Variants in TIGD4 observed in about 807,000 individuals in gnomAD.
TIGD4 encodes the protein tigger transposable element-derived protein 4.
TIGD4 carries 20 observed loss-of-function variants against 24.9 expected under a neutral mutation model. The ratio of observed to expected loss-of-function variants is 0.80; its 90% CI spans 0.56 to 1.17. The LOEUF (loss-of-function observed/expected upper bound fraction) is 1.17. TIGD4 is among the 50% of genes most tolerant of loss of function. The pLI is 0.00. For missense variants in TIGD4, 566 were observed against 591.0 expected (o/e 0.96, Z 0.44); for synonymous variants, 193 against 211.0 (o/e 0.91, Z 0.74).
Position 152,770,251 on chromosome 4 carries a change from A to G in TIGD4, c.754T>C (p.Tyr252His), listed in dbSNP as rs2149805336. ...FKGLKSLPVC[Y>H]EANRMAWMTS... ...ATCCATGCCATTCTGTTAGCTTCAT[A>G]ACACACAGGCAATGATTTTAAACCT... Residue 252 changes from tyrosine (Y) to histidine (H), a missense_variant, in exon 2 of 2, where the codon TAT (tyrosine) becomes CAT (histidine). Tyr to His is a moderately conservative substitution (Grantham distance 83, BLOSUM62 2). Transcript: ENST00000304337. The G allele has an allele frequency of 6.2e-7, 1 of 1,614,076 alleles. No individual in the cohort carries two copies. Among genetic ancestry groups the G allele is most frequent in the East Asian group, 2.2e-5 (1 of 44,880 alleles).
At chr4:152,772,332 C>A (rs1730191378) in intron 1 of TIGD4, among the ~76,000 whole-genome samples, 1 of 151,350 alleles carries the variant, frequency 6.6e-6, no homozygotes, top group Non-Finnish European at 1.5e-5. Context: ...CTCAGGTCTT[C>A]TACTTTCTAT....
Position 152,769,414 on chromosome 4 carries a change from A to G in TIGD4, c.*52T>C, listed in dbSNP as rs1578771462. The G allele has an allele frequency of 3.1e-6, 4 of 1,282,838 alleles. No homozygotes were observed. The East Asian group carries it at 7.2e-5, about 23-fold the overall frequency. The allele number at this position is 1,282,838 out of a possible 1,614,324, so 79.5% of individuals were successfully genotyped here. ...GGTACAACTCCTTTACATACCTTAT[A>G]TAATAAAATGTATCAGGAAAAGCTA... On this transcript the variant is annotated 3_prime_UTR_variant, in exon 2 of 2. Transcript: ENST00000304337.
chr4:152,770,963 T>C lies in TIGD4; in HGVS notation c.42A>G (p.Thr14=), dbSNP rs750308611. 1.9e-6 allele frequency: 3 copies of C among 1,612,012 alleles called. No homozygotes were observed. The highest frequency in any genetic ancestry group is 3.4e-5 in the Admixed American group (2 of 59,590). ...ASVDASTLPV[T]VKKKKSLSIE... is the part of the protein sequence containing the mutation. ...TGGATAGGCTTTTCTTTTTCTTCAC[T>C]GTTACAGGCAGAGTTGAGGCATCCA... Residue 14 remains threonine (T), a synonymous_variant, in exon 2 of 2, where the codon ACA becomes ACG. Coordinates refer to ENST00000304337, the MANE Select transcript of TIGD4 (RefSeq NM_145720.4).
intron 1 of TIGD4, among the ~76,000 whole-genome samples, chr4:152,778,615 G>T (rs938207946): frequency 3.2e-4 from 48 of 152,116 alleles, no homozygotes; most frequent in Admixed American, 2.6e-3. Flanking sequence ...TTATGTTTTG[G>T]AATTTCAGTA....
At position 152,769,387 on chromosome 4, in the gene TIGD4, G is replaced by A. The variant is rs1232206705; in HGVS notation, c.*79C>T. 2 of 999,130 alleles carry A rather than the reference G, an allele frequency of 2.0e-6. No homozygotes were observed. The highest frequency in any genetic ancestry group is 3.5e-4 in the Middle Eastern group (1 of 2,882). The allele number at this position is 999,130 out of a possible 1,614,324, so 61.9% of individuals were successfully genotyped here. The stretch of plus-strand genomic sequence containing the variant: ...TTTCCATTTTTTATGTTTAAGTGGT[G>A]TGGTACAACTCCTTTACATACCTTA... On this transcript the variant is annotated 3_prime_UTR_variant, in exon 2 of 2. Coordinates refer to ENST00000304337, the MANE Select transcript of TIGD4 (RefSeq NM_145720.4).
Position 152,770,918 on chromosome 4 carries a change from G to C in TIGD4, c.87C>G (p.Ile29Met). 1 of 1,613,882 alleles carries C rather than the reference G, an allele frequency of 6.2e-7. No homozygotes were observed. Among genetic ancestry groups the C allele is most frequent in the Non-Finnish European group, 8.5e-7 (1 of 1,179,910 alleles). The change falls in exon 2 of 2, where the codon ATC becomes ATG. Residue 29 changes from isoleucine (I) to methionine (M), a missense_variant. Physicochemically the swap from Ile to Met is conservative, Grantham distance 10. Transcript: ENST00000304337. Reference protein sequence around the residue: ...KSLSIEEKIDIINAVESGKKK... With the variant: ...KSLSIEEKIDMINAVESGKKK... The stretch of plus-strand genomic sequence containing the variant: ...TCTTGCCACTTTCCACTGCATTTAT[G>C]ATGTCGATCTTTTCCTCAATGGATA...
At chr4:152,772,858 C>T (rs1313745373) in intron 1 of TIGD4, among the ~76,000 whole-genome samples, 5 of 152,138 alleles carry the variant, frequency 3.3e-5, no homozygotes, top group South Asian at 2.1e-4. Context: ...ACTACAGGCA[C>T]ACGCCACCAC....
intron 1 of TIGD4, among the ~76,000 whole-genome samples, chr4:152,773,489 A>G (rs1202448500): frequency 6.6e-6 from 1 of 152,118 alleles, no homozygotes; most frequent in Non-Finnish European, 1.5e-5. Context: ...AATGTGGTTA[A>G]GAGCAGTCCA....
At chr4:152,776,422 AC>A (rs1184916968) in intron 1 of TIGD4, among the ~76,000 whole-genome samples, 1 of 151,900 alleles carries the variant, frequency 6.6e-6, no homozygotes, top group Non-Finnish European at 1.5e-5. Context: ...ATAATGTTCT[AC>A]TTTTGCACCA....
chr4:152,775,718 C>T (rs1730248701), intron 1 of TIGD4, among the ~76,000 whole-genome samples: 1 of 152,198 alleles, frequency 6.6e-6, no homozygotes, highest in Non-Finnish European at 1.5e-5. Context: ...ACTCTCTGTT[C>T]TTAAAGTGCT....
intron 1 of TIGD4, among the ~76,000 whole-genome samples, chr4:152,777,948 G>T (rs960641439): frequency 6.6e-6 from 1 of 152,024 alleles, no homozygotes; most frequent in African/African-American, 2.4e-5. Flanking sequence ...GATTAATCCT[G>T]TGTATATATA....
chr4:152,774,745 T>A (rs181719460), intron 1 of TIGD4, among the ~76,000 whole-genome samples: 98 of 152,216 alleles, frequency 6.4e-4, no homozygotes, highest in African/African-American at 2.2e-3. Flanking sequence ...AAAAAAAACA[T>A]TTTTGTTTTT....
In TIGD4 at chr4:152,769,679, T is replaced by G; in HGVS notation, c.1326A>C (p.Lys442Asn). 5 of 1,613,476 alleles carry G rather than the reference T, an allele frequency of 3.1e-6. No individual in the cohort carries two copies. Among genetic ancestry groups the G allele is most frequent in the Non-Finnish European group, 3.4e-6 (4 of 1,179,688 alleles). Residue 442 changes from lysine (K) to asparagine (N), a missense_variant, in exon 2 of 2, where the codon AAA becomes AAC. By Grantham distance (94) the Lys-to-Asn change is moderately conservative (BLOSUM62 0). Transcript: ENST00000304337. The stretch of plus-strand genomic sequence containing the variant: ...ATCCAGTTTCATCCGATTTACTTTC[T>G]TTGGTGCATATGGAATCACCATTTG... ...AAPNGDSICTKESKSDETGFY... is the reference protein window; with the variant it reads ...AAPNGDSICTNESKSDETGFY...
chr4:152,777,117 TA>T, intron 1 of TIGD4, among the ~76,000 whole-genome samples: 1 of 151,566 alleles, frequency 6.6e-6, no homozygotes, highest in Non-Finnish European at 1.5e-5. Flanking sequence ...TACCTATCTC[TA>T]TTAGTTGGCT....
chr4:152,771,605 A>T (rs1040505733), intron 1 of TIGD4, 63 bp from the exon 2 acceptor site: 1 of 154,954 alleles, frequency 6.5e-6, no homozygotes, highest in Non-Finnish European at 1.5e-5. Context: ...TATTAAAATA[A>T]TGCTTATACC....
chr4:152,770,487 T>C lies in TIGD4; in HGVS notation c.518A>G (p.Asp173Gly). The part of the protein sequence containing the change: ...YQNVLPYYLN[D>G]YHPKNVFNIK... ...ATTAAAAACATTTTTAGGATGATAATCATTTAAATAATAAGGAAGTACATT... is the reference window on the plus strand; with the variant it reads ...ATTAAAAACATTTTTAGGATGATAACCATTTAAATAATAAGGAAGTACATT... The change falls in exon 2 of 2, where the codon GAT becomes GGT. Residue 173 changes from aspartate to glycine, a missense_variant. Physicochemically the swap from Asp to Gly is moderately conservative, Grantham distance 94. Coordinates refer to ENST00000304337, the MANE Select transcript of TIGD4 (RefSeq NM_145720.4). The C allele has an allele frequency of 6.2e-7, 1 of 1,610,750 alleles. No homozygotes were observed. Among genetic ancestry groups the C allele is most frequent in the Admixed American group, 1.7e-5 (1 of 59,452 alleles).
In TIGD4 at chr4:152,769,536, T is replaced by G. The variant is rs372845994; in HGVS notation, c.1469A>C (p.Asp490Ala). 6.2e-7 allele frequency: 1 copy of G among 1,603,176 alleles called. No individual in the cohort carries two copies. The highest frequency in any genetic ancestry group is 1.3e-5 in the African/African-American group (1 of 74,344). Residue 490 changes from aspartate to alanine, a missense_variant, in exon 2 of 2, where the codon GAT becomes GCT. Coordinates refer to ENST00000304337, the MANE Select transcript of TIGD4 (RefSeq NM_145720.4). ...DTLKKFLRSQDMNDGLQNSLA... is the reference protein window; with the variant it reads ...DTLKKFLRSQAMNDGLQNSLA... ...AGAATTTTGAAGTCCGTCATTCATA[T>G]CTTGACTTCTGAGAAATTTTTTCAG...
rs74854837 is a variant in TIGD4, at chr4:152,769,359, A to G, written c.*107T>C. ...TTTTGCAATTAAACCAAGGATTAGCAGTTTTCCATTTTTTATGTTTAAGTG... is the reference window on the plus strand; with the variant it reads ...TTTTGCAATTAAACCAAGGATTAGCGGTTTTCCATTTTTTATGTTTAAGTG... On this transcript the variant is annotated 3_prime_UTR_variant, in exon 2 of 2. Coordinates refer to ENST00000304337, the MANE Select transcript of TIGD4 (RefSeq NM_145720.4). 233 of 745,422 alleles carry G rather than the reference A, an allele frequency of 3.1e-4. 1 individual carries two copies. The African/African-American group carries it at 3.9e-3, about 13-fold the overall frequency. The allele number at this position is 745,422 out of a possible 1,614,324, so 46.2% of individuals were successfully genotyped here.
At chr4:152,778,486 T>C (rs908769450) in intron 1 of TIGD4, among the ~76,000 whole-genome samples, 4 of 152,212 alleles carry the variant, frequency 2.6e-5, no homozygotes, top group Admixed American at 6.5e-5. Flanking sequence ...ACCAACAAGA[T>C]GGCTTTGTAC....
Sources: gnomAD v4.1 joint callset for allele counts (sites outside exome capture counted in the v4.1 genomes callset) on GRCh38, gnomAD v4.1.1 for gene constraint, MANE v1.5 for transcripts, NCBI Gene and HGNC (gene_info 2026-07-23, HGNC 2026-07-21) for gene names.